The following CENPP variants were observed in gnomAD, a reference collection of about 807,000 sequenced individuals.
The protein encoded by CENPP is centromere protein P.
A neutral mutation model predicts 35.6 loss-of-function variants in CENPP; 24 were observed. That is an observed-to-expected ratio of 0.67 (90% CI 0.49 to 0.95). The LOEUF is 0.95. Ranked by LOEUF, CENPP falls within the 40% of genes least tolerant of loss-of-function variation. The pLI is 0.00. For synonymous variants in CENPP, 120 were observed against 125.5 expected (o/e 0.96, Z 0.29); for missense variants, 332 against 345.3 (o/e 0.96, Z 0.31).
intron 2 of CENPP, among the ~76,000 whole-genome samples, chr9:92,334,121 G>GTTTT (rs11423555): frequency 3.7e-5 from 5 of 133,968 alleles, no homozygotes; most frequent in Admixed American, 1.5e-4. Context: ...TGAGAGTAGG[G>GTTTT]TTTTTTTTTT....
intron 5 of CENPP, among the ~76,000 whole-genome samples, chr9:92,431,152 G>A (rs1414365310): frequency 6.6e-6 from 1 of 152,114 alleles, no homozygotes; most frequent in Non-Finnish European, 1.5e-5. Flanking sequence ...GGTGTTTAGT[G>A]TTTACAGTGC....
intron 2 of CENPP, among the ~76,000 whole-genome samples, chr9:92,334,266 A>G (rs1427544110): frequency 6.6e-6 from 1 of 152,112 alleles, no homozygotes; most frequent in South Asian, 2.1e-4. Flanking sequence ...GACTACAGGC[A>G]CGCAGTGCCA....
At chr9:92,571,207 G>C (rs1850129306) in intron 5 of CENPP, among the ~76,000 whole-genome samples, 1 of 151,806 alleles carries the variant, frequency 6.6e-6, no homozygotes, top group South Asian at 2.1e-4. Context: ...GCTTTCTCTT[G>C]TGGGCATTTA....
chr9:92,558,033 C>T (rs148665496), intron 5 of CENPP, among the ~76,000 whole-genome samples: 13 of 152,050 alleles, frequency 8.5e-5, no homozygotes, highest in African/African-American at 2.7e-4. Context: ...AATATTTCTC[C>T]CTTCACTTCT....
intron 5 of CENPP, among the ~76,000 whole-genome samples, chr9:92,580,001 TTTAGCA>T (rs1380730453): frequency 6.7e-6 from 1 of 149,580 alleles, no homozygotes; most frequent in Non-Finnish European, 1.5e-5. Context: ...ATTGAGAGTT[TTTAGCA>T]TGAAGGGTTG....
At chr9:92,409,932 T>C (rs1178732790) in intron 5 of CENPP, among the ~76,000 whole-genome samples, 1 of 152,164 alleles carries the variant, frequency 6.6e-6, no homozygotes, top group Non-Finnish European at 1.5e-5. Context: ...TTTTGTTTTG[T>C]TTTTTGTTTG....
chr9:92,542,218 C>G (rs1165083810), intron 5 of CENPP, among the ~76,000 whole-genome samples: 2 of 152,210 alleles, frequency 1.3e-5, no homozygotes, highest in Non-Finnish European at 2.9e-5. Flanking sequence ...GATGTATTCT[C>G]AAGTCCTTTG....
chr9:92,610,779 T>C (rs1413205014), intron 5 of CENPP: 1 of 157,056 alleles, frequency 6.4e-6, no homozygotes, highest in Non-Finnish European at 1.4e-5. Flanking sequence ...CCCAGGACGG[T>C]GTGTGGGCTG....
intron 4 of CENPP, among the ~76,000 whole-genome samples, chr9:92,371,763 T>C (rs1588067688): frequency 6.6e-6 from 1 of 150,616 alleles, no homozygotes; most frequent in East Asian, 1.9e-4. Flanking sequence ...AATATTTGCT[T>C]TATGAATCTG....
intron 5 of CENPP, among the ~76,000 whole-genome samples, chr9:92,525,863 C>T (rs896524216): frequency 3.8e-5 from 5 of 131,238 alleles, no homozygotes; most frequent in South Asian, 2.4e-4. Context: ...TATGCACCAC[C>T]ATGCCCAGAG....
intron 5 of CENPP, chr9:92,392,986 A>G: frequency 1.1e-6 from 1 of 903,918 alleles, no homozygotes; most frequent in East Asian, 2.7e-5. Flanking sequence ...TCAAGTGACA[A>G]ACCTGAATGT....
intron 5 of CENPP, among the ~76,000 whole-genome samples, chr9:92,540,627 C>T (rs1008298047): frequency 2.0e-5 from 3 of 150,634 alleles, no homozygotes; most frequent in East Asian, 4.0e-4. Flanking sequence ...AAAAATTAGC[C>T]GAGCATGGTG....
intron 5 of CENPP, chr9:92,474,929 T>G (rs755019248): frequency 1.3e-6 from 2 of 1,562,740 alleles, no homozygotes. Flanking sequence ...AGTCTAGGAC[T>G]AAACAGACAT....
At chr9:92,554,209 G>A (rs139656621) in intron 5 of CENPP, among the ~76,000 whole-genome samples, 1 of 150,658 alleles carries the variant, frequency 6.6e-6, no homozygotes, top group Non-Finnish European at 1.5e-5. Context: ...TTGAGACGGA[G>A]TTTCGCTCTT....
At chr9:92,352,573 A>G (rs2130817533) in intron 4 of CENPP, among the ~76,000 whole-genome samples, 1 of 137,088 alleles carries the variant, frequency 7.3e-6, no homozygotes, top group African/African-American at 2.9e-5. Context: ...ATTAACTCAC[A>G]TGATCACAAG....
chr9:92,377,050 G>A (rs978635568), intron 4 of CENPP, among the ~76,000 whole-genome samples: 6 of 151,306 alleles, frequency 4.0e-5, no homozygotes, highest in Non-Finnish European at 8.9e-5. Flanking sequence ...AAAAAAGAAA[G>A]AAAAGGGAAG....
At chr9:92,552,014 G>A (rs1415533585) in intron 5 of CENPP, among the ~76,000 whole-genome samples, 2 of 141,832 alleles carry the variant, frequency 1.4e-5, no homozygotes, top group Non-Finnish European at 3.0e-5. Context: ...GTATATATAT[G>A]ATATGATAGA....
chr9:92,374,119 C>CAAAA (rs35803886), intron 4 of CENPP, among the ~76,000 whole-genome samples: 3 of 97,864 alleles, frequency 3.1e-5, no homozygotes, highest in African/African-American at 4.7e-5. Context: ...CAGCAGTGAC[C>CAAAA]AAAAAAAAAA....
chr9:92,360,056 G>A (rs1841703880), intron 4 of CENPP, among the ~76,000 whole-genome samples: 1 of 152,066 alleles, frequency 6.6e-6, no homozygotes, highest in Non-Finnish European at 1.5e-5. Flanking sequence ...TTATATAAGT[G>A]GAGAGATGGA....
Sources: gnomAD v4.1 joint callset for allele counts (sites outside exome capture counted in the v4.1 genomes callset) on GRCh38, gnomAD v4.1.1 for gene constraint, MANE v1.5 for transcripts, NCBI Gene and HGNC (gene_info 2026-07-23, HGNC 2026-07-21) for gene names.